The following TRAPPC8 variants were observed in gnomAD, a reference collection of about 807,000 sequenced individuals.
TRAPPC8 encodes the protein general sporulation gene 1 homolog.
A neutral mutation model predicts 174.3 loss-of-function variants in TRAPPC8; 54 were observed. The ratio of observed to expected loss-of-function variants is 0.31; its 90% CI spans 0.25 to 0.39. TRAPPC8 has a LOEUF of 0.39. Ranked by LOEUF, TRAPPC8 falls within the 10% of genes least tolerant of loss-of-function variation. The pLI, the probability that TRAPPC8 is intolerant of heterozygous loss-of-function variation, is 1.00. For synonymous variants in TRAPPC8, 630 were observed against 579.9 expected (o/e 1.09, Z -1.24); for missense variants, 1,531 against 1,699.1 (o/e 0.90, Z 1.74).
chr18:31,890,575 A>C (rs1297489943), intron 12 of TRAPPC8, among the ~76,000 whole-genome samples, 160 bp downstream of exon 12: 1 of 152,224 alleles, frequency 6.6e-6, no homozygotes, highest in East Asian at 1.9e-4. Flanking sequence ...ATCAAAATTT[A>C]TAGCCAGATT....
chr18:31,932,068 ACTCT>A (rs1286767279), intron 1 of TRAPPC8, among the ~76,000 whole-genome samples: 1 of 151,850 alleles, frequency 6.6e-6, no homozygotes, highest in African/African-American at 2.4e-5. Flanking sequence ...GTATGTAGAA[ACTCT>A]CTGTACTTTC....
intron 1 of TRAPPC8, among the ~76,000 whole-genome samples, chr18:31,939,986 G>C (rs550434457): frequency 6.6e-6 from 1 of 152,194 alleles, no homozygotes; most frequent in African/African-American, 2.4e-5. Context: ...CAATACAGTA[G>C]GCAACAGCTG....
rs1245960004 is a variant in TRAPPC8 at position 31,898,008 on chromosome 18, T to C, written c.1491-117A>G. The C allele has an allele frequency of 3.3e-5, 27 of 826,022 alleles. 1 individual carries two copies. Among genetic ancestry groups the C allele is most frequent in the Non-Finnish European group, 4.8e-5 (27 of 560,488 alleles). 51.2% of individuals were successfully genotyped at this position (826,022 alleles called of 1,614,324 possible). A position where few individuals can be genotyped will look rare whatever the true frequency, so the allele number is the denominator to read the frequency against. On this transcript the variant is annotated intron_variant, in intron 10 of 28. Coordinates refer to ENST00000283351, the MANE Select transcript of TRAPPC8 (RefSeq NM_014939.5). The stretch of plus-strand genomic sequence containing the variant: ...TTAGAGGATAGTTGCAGGGAGATGG[T>C]TCCAGGACCCTCCAGGATACTAAAA...
chr18:31,854,065 T>C, intron 21 of TRAPPC8, 120 bp from the exon 22 acceptor site: 1 of 721,392 alleles, frequency 1.4e-6, no homozygotes, highest in African/African-American at 1.8e-5. Flanking sequence ...AAGATGCAAT[T>C]ACAATATACA....
chr18:31,919,590 AAAAT>A (rs1400911500), intron 2 of TRAPPC8, among the ~76,000 whole-genome samples: 2 of 60,310 alleles, frequency 3.3e-5, no homozygotes, highest in Admixed American at 2.6e-4. Flanking sequence ...ATAAATAAAT[AAAAT>A]AATAATAATC....
rs1030174139 is a variant in TRAPPC8, at chr18:31,921,385, A to G, written c.353-3718T>C. Among the ~76,000 whole-genome samples the G allele has an allele frequency of 1.2e-4, 19 of 152,246 alleles. No individual in the cohort carries two copies. In the East Asian group the frequency reaches 3.1e-3, roughly 25 times the overall value. On this transcript the variant is annotated intron_variant, in intron 2 of 28. Coordinates refer to ENST00000283351, the MANE Select transcript of TRAPPC8 (RefSeq NM_014939.5). Reference sequence around the variant, plus strand: ...TCCCAACACTTTGGGAGGCCGAGGCAGGCGGATTACCTGAGGTGGGGAGTT... The same window carrying G: ...TCCCAACACTTTGGGAGGCCGAGGCGGGCGGATTACCTGAGGTGGGGAGTT...
intron 2 of TRAPPC8, among the ~76,000 whole-genome samples, chr18:31,928,851 G>GA (rs1184077867): frequency 6.6e-6 from 1 of 152,132 alleles, no homozygotes; most frequent in Non-Finnish European, 1.5e-5. Context: ...CTGCAAAACA[G>GA]AATCACATAT....
intron 2 of TRAPPC8, among the ~76,000 whole-genome samples, chr18:31,926,952 T>C (rs2037641315): frequency 6.6e-6 from 1 of 152,144 alleles, no homozygotes; most frequent in South Asian, 2.1e-4. Context: ...TTAAAACTTA[T>C]TACGCCATAG....
intron 12 of TRAPPC8, among the ~76,000 whole-genome samples, chr18:31,886,960 G>GACACAC (rs144077903): frequency 9.3e-5 from 14 of 150,696 alleles, no homozygotes; most frequent in African/African-American, 3.4e-4. Flanking sequence ...CAGCCTGGGT[G>GACACAC]ACACACACAC....
intron 1 of TRAPPC8, among the ~76,000 whole-genome samples, chr18:31,936,119 G>A (rs1216351271): frequency 2.6e-5 from 4 of 151,854 alleles, no homozygotes; most frequent in African/African-American, 9.7e-5. Context: ...GGAGGCTAAG[G>A]TAGGAGGATC....
chr18:31,907,354 CTT>C, intron 9 of TRAPPC8, 104 bp downstream of exon 9: 2 of 1,161,292 alleles, frequency 1.7e-6, no homozygotes, highest in Middle Eastern at 3.1e-4. Flanking sequence ...ACTATATGCT[CTT>C]TGAGTACAAC....
At chr18:31,915,469 AGG>A (rs34274812) in intron 4 of TRAPPC8, among the ~76,000 whole-genome samples, 2 of 98,854 alleles carry the variant, frequency 2.0e-5, no homozygotes, top group African/African-American at 4.2e-5. Flanking sequence ...TCAAAAAAAA[AGG>A]GGGGGGGGGC....
chr18:31,897,963 A>C (rs1411906695), intron 10 of TRAPPC8, 72 bp from the exon 11 acceptor site: 6 of 1,302,610 alleles, frequency 4.6e-6, no homozygotes, highest in Non-Finnish European at 5.3e-6. Flanking sequence ...TGTGTTCAGC[A>C]AAAGATTCCA....
At chr18:31,940,501 T>C (rs553239271) in intron 1 of TRAPPC8, among the ~76,000 whole-genome samples, 115 of 152,160 alleles carry the variant, frequency 7.6e-4, no homozygotes, top group African/African-American at 2.5e-3. Context: ...ATTTCACTTG[T>C]TTCTTTTTAC....
intron 2 of TRAPPC8, among the ~76,000 whole-genome samples, chr18:31,922,016 T>C (rs1300391178): frequency 1.3e-5 from 2 of 152,180 alleles, no homozygotes; most frequent in African/African-American, 4.8e-5. Flanking sequence ...CCCAAAACTG[T>C]CATTTTTTCT....
At position 31,849,580 on chromosome 18, in the gene TRAPPC8, C is replaced by A. The variant is rs759917862; in HGVS notation, c.3721G>T (p.Val1241Phe). ...GTAGCACATACCTTCCATAATATGA[C>A]AATATTCAAATCTACCTCACTGCAT... ...QKCSEVDLNIVILWKAYVVED... is the reference protein window; with the variant it reads ...QKCSEVDLNIFILWKAYVVED... The change falls in exon 25 of 29, where the codon GTC becomes TTC. Residue 1241 changes from valine (V) to phenylalanine (F), a missense_variant. Transcript: ENST00000283351. 1 of 1,606,890 alleles carries A rather than the reference C, an allele frequency of 6.2e-7. No homozygotes were observed. Among genetic ancestry groups the A allele is most frequent in the African/African-American group, 1.3e-5 (1 of 74,580 alleles).
intron 12 of TRAPPC8, among the ~76,000 whole-genome samples, chr18:31,886,935 T>C (rs771773597): frequency 1.3e-5 from 2 of 151,938 alleles, no homozygotes; most frequent in Non-Finnish European, 2.9e-5. Flanking sequence ...GAGCTGAGAT[T>C]GCACCACTGC....
In TRAPPC8 at chr18:31,852,677, G is replaced by C; in HGVS notation, c.3434-14C>G. 6.2e-7 allele frequency: 1 copy of C among 1,608,630 alleles called. No individual in the cohort carries two copies. Among genetic ancestry groups the C allele is most frequent in the South Asian group, 1.1e-5 (1 of 90,798 alleles). On this transcript the variant is annotated splice_polypyrimidine_tract_variant and intron_variant, in intron 22 of 28. Transcript: ENST00000283351. ...CAAGTTTGGTATCTAGGAAGAAAAA[G>C]GGAAATTTCAAAGATGTTTCTCAGT...
In TRAPPC8 at chr18:31,832,130, T is replaced by C. The variant is rs759703950; in HGVS notation, c.4027A>G (p.Lys1343Glu). ...TCAACTATGACATCTACATCAGCCT[T>C]AGAACAATTGGAAAGTAAAAGAGTG... Reference protein sequence around the residue: ...PVTLLLSNCSKADVDVIVDLR... With the variant: ...PVTLLLSNCSEADVDVIVDLR... The change falls in exon 28 of 29, where the codon AAG becomes GAG. Residue 1343 changes from lysine (K) to glutamate (E), a missense_variant. Transcript: ENST00000283351. 9 of 1,557,456 alleles carry C rather than the reference T, an allele frequency of 5.8e-6. No individual in the cohort carries two copies. The African/African-American group carries it at 8.4e-5, about 15-fold the overall frequency.
Sources: allele counts gnomAD v4.1 joint callset (sites outside exome capture counted in the v4.1 genomes callset), GRCh38; gene constraint gnomAD v4.1.1; transcripts MANE v1.5; gene names NCBI Gene and HGNC (gene_info 2026-07-23, HGNC 2026-07-21).